The following DBNDD1 variants were observed in gnomAD, a reference collection of about 807,000 sequenced individuals.
The protein encoded by DBNDD1 is dysbindin domain containing 1.
A neutral mutation model predicts 17.0 loss-of-function variants in DBNDD1; 14 were observed. That is an observed-to-expected ratio of 0.82 (90% CI 0.54 to 1.29). The LOEUF (loss-of-function observed/expected upper bound fraction) is 1.29. Among genes scored for constraint, DBNDD1 ranks in the 50% most tolerant of loss-of-function variants. The pLI, the probability that DBNDD1 is intolerant of heterozygous loss-of-function variation, is 0.00. For missense variants in DBNDD1, 221 were observed against 216.2 expected, an observed-to-expected ratio of 1.02 and a Z score of -0.14; for synonymous variants, 105 against 102.0, an observed-to-expected ratio of 1.03 and a Z score of -0.18.
At chr16:90,019,671 G>A (rs2035741515), upstream of DBNDD1, 1 of 530,632 alleles carries the variant, frequency 1.9e-6, no homozygotes, top group Non-Finnish European at 3.3e-6. This position sits in a 1 kb window ranked among gnomAD's most constrained non-coding sequence, Gnocchi z 6.1. Context: ...GACACCACCG[G>A]GACCTGGCTG....
At chr16:90,019,728 T>G (rs1392269020), upstream of DBNDD1, 1 of 654,166 alleles carries the variant, frequency 1.5e-6, no homozygotes, top group Admixed American at 2.4e-5. This position sits in a 1 kb window ranked among gnomAD's most constrained non-coding sequence, Gnocchi z 6.1. Context: ...GCGCACTCAC[T>G]TGGCGGCCGC....
At chr16:90,011,153 G>A (rs964503026) in intron 1 of DBNDD1, among the ~76,000 whole-genome samples, 2 of 152,244 alleles carry the variant, frequency 1.3e-5, no homozygotes, top group South Asian at 2.1e-4. Flanking sequence ...CCCCAGCGGT[G>A]AGCACTGATC....
intron 1 of DBNDD1, among the ~76,000 whole-genome samples, chr16:90,015,405 A>C (rs1298025515): frequency 6.6e-6 from 1 of 152,198 alleles, no homozygotes; most frequent in Non-Finnish European, 1.5e-5. Flanking sequence ...TGCAGCATAC[A>C]GATATGTGTT....
At position 90,009,470 on chromosome 16, in the gene DBNDD1, G is replaced by A. The variant is rs751963255; in HGVS notation, c.32-40C>T. On this transcript the variant is annotated intron_variant, in intron 1 of 3. Transcript: ENST00000002501. ...ACAGTGTCACCTTGAGATCCACAGG[G>A]CTCCCACATCCCCCCAGGACGCGGG... 2.0e-5 allele frequency: 32 copies of A among 1,602,034 alleles called. No homozygotes were observed. In the South Asian group the frequency reaches 3.4e-4, roughly 17 times the overall value.
At chr16:90,006,550 G>T in intron 3 of DBNDD1, 58 bp from the exon 4 acceptor site, 1 of 1,563,890 alleles carries the variant, frequency 6.4e-7, no homozygotes, top group South Asian at 1.1e-5. Context: ...TGGATGCTGC[G>T]GAGCTCCAGG....
chr16:90,010,087 C>G (rs2035523575), intron 1 of DBNDD1: 1 of 1,604,136 alleles, frequency 6.2e-7, no homozygotes. Context: ...GCTCTGTCAC[C>G]CAGGCTGGAG....
At position 90,019,404 on chromosome 16, in the gene DBNDD1, A is replaced by T; in HGVS notation, c.-63T>A. 2.0e-5 allele frequency: 22 copies of T among 1,091,852 alleles called. No homozygotes were observed. The highest frequency in any genetic ancestry group is 2.4e-5 in the Non-Finnish European group (21 of 873,938). The allele number at this position is 1,091,852 out of a possible 1,614,324, so 67.6% of individuals were successfully genotyped here. A position where few individuals can be genotyped will look rare whatever the true frequency, so the allele number is the denominator to read the frequency against. On this transcript the variant is annotated 5_prime_UTR_variant, in exon 1 of 4. The change creates a new upstream start codon in the 5' untranslated region. Coordinates refer to ENST00000002501, the MANE Select transcript of DBNDD1 (RefSeq NM_001042610.3). This position sits in a 1 kb window ranked among gnomAD's most constrained non-coding sequence, Gnocchi z 6.1. ...GGCGTCGCCTGGCCCGGGCGCCCCA[A>T]CAGCTGCGGCAGCGACTCGGCCCCG...
intron 1 of DBNDD1, among the ~76,000 whole-genome samples, chr16:90,013,043 C>T (rs1421878535): frequency 6.6e-6 from 1 of 151,734 alleles, no homozygotes; most frequent in Non-Finnish European, 1.5e-5. Context: ...AACCTGGGGC[C>T]AGAGTAGTTC....
intron 1 of DBNDD1, among the ~76,000 whole-genome samples, chr16:90,017,208 C>A (rs2035654423): frequency 6.6e-6 from 1 of 152,200 alleles, no homozygotes; most frequent in African/African-American, 2.4e-5. Context: ...TATAAAAATC[C>A]TATTTTGCCG....
intron 1 of DBNDD1, chr16:90,010,051 T>C (rs754696464): frequency 6.2e-7 from 1 of 1,613,936 alleles, no homozygotes; most frequent in Non-Finnish European, 8.5e-7. Flanking sequence ...CTCCCATGTT[T>C]ATTTATTTTT....
rs1254159584 is a variant in DBNDD1, at chr16:90,019,352, C to A, written c.-11G>T. On this transcript the variant is annotated 5_prime_UTR_variant, in exon 1 of 4. Coordinates refer to ENST00000002501, the MANE Select transcript of DBNDD1 (RefSeq NM_001042610.3). This position sits in a 1 kb window ranked among gnomAD's most constrained non-coding sequence, Gnocchi z 6.1. ...CTCCGGGGGCTCCATGCGGCCGGTG[C>A]GGTCTGGGAGGGGCACGGGCGACGG... The A allele has an allele frequency of 7.5e-6, 9 of 1,192,550 alleles. No homozygotes were observed. The highest frequency in any genetic ancestry group is 9.4e-6 in the Non-Finnish European group (9 of 962,052). The allele number at this position is 1,192,550 out of a possible 1,614,324, so 73.9% of individuals were successfully genotyped here. A position where few individuals can be genotyped will look rare whatever the true frequency, so the allele number is the denominator to read the frequency against.
At chr16:90,019,714 T>G, upstream of DBNDD1, 1 of 610,616 alleles carries the variant, frequency 1.6e-6, no homozygotes, top group Non-Finnish European at 2.9e-6. This position sits in a 1 kb window ranked among gnomAD's most constrained non-coding sequence, Gnocchi z 6.1. Context: ...CGTCCGGGGC[T>G]CCTGCGCACT....
At chr16:90,019,668 C>T (rs1001141217), upstream of DBNDD1, 1 of 521,370 alleles carries the variant, frequency 1.9e-6, no homozygotes, top group Non-Finnish European at 3.3e-6. The surrounding 1 kb of genome is among the most constrained non-coding windows in gnomAD (Gnocchi z 6.1). Flanking sequence ...GCGGACACCA[C>T]CGGGACCTGG....
chr16:90,016,713 C>T (rs2035648206), intron 1 of DBNDD1, among the ~76,000 whole-genome samples: 1 of 152,170 alleles, frequency 6.6e-6, no homozygotes, highest in African/African-American at 2.4e-5. Context: ...TGCTGCTGAC[C>T]TATTTTCCAG....
chr16:90,014,640 G>A (rs893636872), intron 1 of DBNDD1, among the ~76,000 whole-genome samples: 1 of 152,184 alleles, frequency 6.6e-6, no homozygotes, highest in Non-Finnish European at 1.5e-5. Flanking sequence ...CAGCTTCTGG[G>A]ACAAAGCTCT....
chr16:90,011,004 C>T (rs1383661282), intron 1 of DBNDD1, among the ~76,000 whole-genome samples: 1 of 152,268 alleles, frequency 6.6e-6, no homozygotes, highest in African/African-American at 2.4e-5. Context: ...GCTTCCTGGA[C>T]CCTGCATGGC....
chr16:90,019,647 C>T (rs1464777039), upstream of DBNDD1: 2 of 431,086 alleles, frequency 4.6e-6, no homozygotes, highest in Non-Finnish European at 8.1e-6. The surrounding 1 kb of genome is among the most constrained non-coding windows in gnomAD (Gnocchi z 6.1). Context: ...CCTCGCGGGC[C>T]GCGCCCCGCC....
chr16:90,008,937 G>C lies in DBNDD1; in HGVS notation c.179-13C>G, dbSNP rs756150568. The C allele has an allele frequency of 8.4e-6, 13 of 1,543,924 alleles. No homozygotes were observed. The African/African-American group carries it at 1.6e-4, about 19-fold the overall frequency. On this transcript the variant is annotated splice_polypyrimidine_tract_variant and intron_variant, in intron 2 of 3. Coordinates refer to ENST00000002501, the MANE Select transcript of DBNDD1 (RefSeq NM_001042610.3). ...CTGCTCAGAGGCTCTGAGGGCAGAG[G>C]GGGTACAGTCAGCCCTCAGGCCCTC...
At chr16:90,019,760 C>T (rs757173018), upstream of DBNDD1, 25 of 680,870 alleles carry the variant, frequency 3.7e-5, no homozygotes, top group East Asian at 5.7e-5. The surrounding 1 kb of genome is among the most constrained non-coding windows in gnomAD (Gnocchi z 6.1). Context: ...TCCTCTTGTT[C>T]TCTTCCAGGT....
Sources: gnomAD v4.1 joint callset for allele counts (sites outside exome capture counted in the v4.1 genomes callset) on GRCh38, gnomAD v4.1.1 for gene constraint, Gnocchi (gnomAD v3.1) non-coding constraint, MANE v1.5 for transcripts, NCBI Gene and HGNC (gene_info 2026-07-23, HGNC 2026-07-21) for gene names.